FHOD3: variants seen among roughly 807,000 people sequenced by gnomAD.
The protein encoded by FHOD3 is formin homology 2 domain containing 3.
In FHOD3, 90 loss-of-function variants were observed where a neutral mutation model predicts 173.0. The observed-to-expected ratio is 0.52, with a 90% CI of 0.44 to 0.62. The LOEUF (loss-of-function observed/expected upper bound fraction) is 0.62, where lower values mean the gene tolerates loss of function less well. FHOD3 is among the 20% of genes least tolerant of loss of function. The pLI, the probability that FHOD3 is intolerant of heterozygous loss-of-function variation, is 0.00. For synonymous variants in FHOD3, 828 were observed against 823.0 expected, an observed-to-expected ratio of 1.01 and a Z score of -0.10; for missense variants, 1,945 against 2,034.7, an observed-to-expected ratio of 0.96 and a Z score of 0.85.
intron 13 of FHOD3, among the ~76,000 whole-genome samples, chr18:36,657,559 G>T (rs184183976): frequency 6.6e-6 from 1 of 152,288 alleles, no homozygotes; most frequent in Admixed American, 6.5e-5. Flanking sequence ...AAAGCCTGGG[G>T]ACAGTTTCTC....
In FHOD3 at chr18:36,356,348, A is replaced by G. The variant is rs1213430260; in HGVS notation, c.272+703A>G. ...TGAATAAAGAAATACTGTGAGTCTG[A>G]ATAAAGTAATATGCACATAAAAAAT... On this transcript the variant is annotated intron_variant, in intron 2 of 28. Transcript: ENST00000590592. Among the ~76,000 whole-genome samples the G allele has an allele frequency of 2.6e-5, 4 of 152,232 alleles. No homozygotes were observed. The East Asian group carries it at 7.7e-4, about 29-fold the overall frequency.
chr18:36,720,765 TCTC>T (rs1269768656), intron 19 of FHOD3, among the ~76,000 whole-genome samples: 1 of 140,086 alleles, frequency 7.1e-6, no homozygotes, highest in Non-Finnish European at 1.6e-5. Flanking sequence ...TCCTGCTCCT[TCTC>T]CTCCTCCTCC....
chr18:36,307,290 T>C (rs1213159868), intron 1 of FHOD3, among the ~76,000 whole-genome samples: 2 of 152,202 alleles, frequency 1.3e-5, no homozygotes, highest in Non-Finnish European at 2.9e-5. Context: ...AGTCCATTTT[T>C]CCCTAATTTG....
intron 27 of FHOD3, among the ~76,000 whole-genome samples, chr18:36,764,751 A>C (rs951603504): frequency 1.3e-5 from 2 of 152,222 alleles, no homozygotes; most frequent in Admixed American, 1.3e-4. Context: ...TCTGCACATT[A>C]ATGCCAATCT....
chr18:36,384,378 TCAAAAAAA>T (rs763185610), intron 3 of FHOD3, among the ~76,000 whole-genome samples: 1 of 150,594 alleles, frequency 6.6e-6, no homozygotes, highest in Non-Finnish European at 1.5e-5. Flanking sequence ...AGACTCTGTC[TCAAAAAAA>T]CAAAAAAACA....
intron 1 of FHOD3, among the ~76,000 whole-genome samples, chr18:36,309,855 A>G (rs181686817): frequency 1.3e-5 from 2 of 152,366 alleles, no homozygotes; most frequent in East Asian, 3.9e-4. Context: ...ATGTCTGTGC[A>G]GTTTACTAGG....
At position 36,337,296 on chromosome 18, in the gene FHOD3, A is replaced by G. The variant is rs186517491; in HGVS notation, c.166-18243A>G. 2.1e-3 allele frequency among the ~76,000 whole-genome samples: 319 copies of G among 152,292 alleles called. 2 individuals are homozygous for G. Among genetic ancestry groups the G allele is most frequent in the African/African-American group, 7.3e-3 (305 of 41,548 alleles). On this transcript the variant is annotated intron_variant, in intron 1 of 28. Coordinates refer to ENST00000590592, the MANE Select transcript of FHOD3 (RefSeq NM_001281740.3). ...TTTGTATTTTTTGTTATAGAAATGT[A>G]CTTCCTGCACAGTGAATACGATCCC... is the stretch of plus-strand genomic sequence containing the variant.
chr18:36,337,283 G>A (rs1277154486), intron 1 of FHOD3, among the ~76,000 whole-genome samples: 1 of 151,748 alleles, frequency 6.6e-6, no homozygotes, highest in Non-Finnish European at 1.5e-5. Flanking sequence ...TGTATTTTTT[G>A]TTATAGAAAT....
At chr18:36,536,997 A>T (rs940483603) in intron 5 of FHOD3, among the ~76,000 whole-genome samples, 2 of 152,234 alleles carry the variant, frequency 1.3e-5, no homozygotes, top group African/African-American at 4.8e-5. Flanking sequence ...AACCTGACTG[A>T]AATCTGATGT....
At chr18:36,350,333 C>T (rs1390692041) in intron 1 of FHOD3, among the ~76,000 whole-genome samples, 1 of 152,214 alleles carries the variant, frequency 6.6e-6, no homozygotes, top group East Asian at 1.9e-4. Context: ...CACAGATTTA[C>T]AGCCCTATCT....
Position 36,612,071 on chromosome 18 carries a change from A to C in FHOD3, c.933A>C (p.Leu311Phe). ...HLNKKGTDLD[L>F]VEQLNIYEVA... ...ACAAGAAAGGGACTGACCTGGACTT[A>C]GTGGAGCAACTCAACATTTATGAGG... Residue 311 changes from leucine (L) to phenylalanine (F), a missense_variant, in exon 9 of 29, where the codon TTA becomes TTC. Leu to Phe is a conservative substitution (Grantham distance 22). Transcript: ENST00000590592. 1 of 1,614,000 alleles carries C rather than the reference A, an allele frequency of 6.2e-7. No individual in the cohort carries two copies. Among genetic ancestry groups the C allele is most frequent in the Non-Finnish European group, 8.5e-7 (1 of 1,179,934 alleles).
chr18:36,594,787 T>A lies in FHOD3; in HGVS notation c.607T>A (p.Phe203Ile). Residue 203 changes from phenylalanine to isoleucine, a missense_variant and splice_region_variant, in exon 7 of 29, where the codon TTC (phenylalanine) becomes ATC (isoleucine). Coordinates refer to ENST00000590592, the MANE Select transcript of FHOD3 (RefSeq NM_001281740.3). ...QWLYTLIGSK[F>I]RLVVKTALKL... ...GTGATGGTTTTATCTCTTCTGCCAG[T>A]TCCGCCTGGTGGTGAAGACAGCCCT... The A allele has an allele frequency of 1.9e-6, 3 of 1,612,264 alleles. No homozygotes were observed. The highest frequency in any genetic ancestry group is 2.5e-6 in the Non-Finnish European group (3 of 1,178,768).
intron 15 of FHOD3, among the ~76,000 whole-genome samples, chr18:36,683,954 A>G (rs1352137942): frequency 1.3e-5 from 2 of 152,238 alleles, no homozygotes; most frequent in African/African-American, 4.8e-5. Context: ...TTCTGGCTGG[A>G]GGACCATAAA....
intron 3 of FHOD3, among the ~76,000 whole-genome samples, chr18:36,476,970 C>G: frequency 6.6e-6 from 1 of 152,206 alleles, no homozygotes; most frequent in South Asian, 2.1e-4. Context: ...CACAGTAAGA[C>G]TGCCATACAG....
intron 5 of FHOD3, among the ~76,000 whole-genome samples, chr18:36,541,009 A>G (rs11660599): frequency 0.53 from 80,061 of 149,940 alleles, 21,306 homozygotes; most frequent in East Asian, 0.63. Flanking sequence ...CCAGCACTTT[A>G]GGAGGCCGAG....
rs2055219574 is a variant in FHOD3, at chr18:36,504,805, T to C, written c.405+2806T>C. 2.6e-5 allele frequency among the ~76,000 whole-genome samples: 4 copies of C among 152,244 alleles called. No individual in the cohort carries two copies. In the South Asian group the frequency reaches 8.3e-4, roughly 32 times the overall value. On this transcript the variant is annotated intron_variant, in intron 4 of 28. Coordinates refer to ENST00000590592, the MANE Select transcript of FHOD3 (RefSeq NM_001281740.3). ...ATAAAAAGTATCCTGTGCTTACCTGTTGTACAAGTTGAGCATCCCTAATTT... is the reference window on the plus strand; with the variant it reads ...ATAAAAAGTATCCTGTGCTTACCTGCTGTACAAGTTGAGCATCCCTAATTT...
chr18:36,409,164 A>G (rs2049219086), intron 3 of FHOD3, among the ~76,000 whole-genome samples: 1 of 151,990 alleles, frequency 6.6e-6, no homozygotes, highest in Non-Finnish European at 1.5e-5. Flanking sequence ...AACCATGGGA[A>G]ACCTTCTTGG....
At chr18:36,723,581 G>A (rs1303664128) in intron 19 of FHOD3, among the ~76,000 whole-genome samples, 1 of 152,122 alleles carries the variant, frequency 6.6e-6, no homozygotes, top group Non-Finnish European at 1.5e-5. Flanking sequence ...GAGCGAGGAG[G>A]GATGATTTAC....
At chr18:36,312,585 A>G (rs554528391) in intron 1 of FHOD3, among the ~76,000 whole-genome samples, 44 of 152,276 alleles carry the variant, frequency 2.9e-4, no homozygotes, top group African/African-American at 1.1e-3. Flanking sequence ...ACCTCTCCCT[A>G]GCAGCAATCC....
Sources: gnomAD v4.1 joint callset for allele counts (sites outside exome capture counted in the v4.1 genomes callset) on GRCh38, gnomAD v4.1.1 for gene constraint, MANE v1.5 for transcripts, NCBI Gene and HGNC (gene_info 2026-07-23, HGNC 2026-07-21) for gene names.